Variants in FAM135B observed in about 807,000 individuals in gnomAD.
The protein encoded by FAM135B is protein FAM135B.
In FAM135B, 43 loss-of-function variants were observed where a neutral mutation model predicts 127.7. The ratio of observed to expected loss-of-function variants is 0.34; its 90% CI spans 0.26 to 0.43. The LOEUF (loss-of-function observed/expected upper bound fraction) is 0.43, where lower values mean the gene tolerates loss of function less well. Among genes scored for constraint, FAM135B ranks in the 20% least tolerant of loss-of-function variants. The probability of loss-of-function intolerance (pLI) is 1.00; values close to 1 mark genes in which losing one functional copy is unlikely to be tolerated. For synonymous variants in FAM135B, 670 were observed against 665.1 expected (o/e 1.01, Z -0.11); for missense variants, 1,558 against 1,725.6 (o/e 0.90, Z 1.72).
At chr8:138,444,234 C>A (rs1180899910) in intron 1 of FAM135B, among the ~76,000 whole-genome samples, 1 of 152,154 alleles carries the variant, frequency 6.6e-6, no homozygotes, top group Non-Finnish European at 1.5e-5. Flanking sequence ...CAACATTAGA[C>A]AGGTCAACGA....
chr8:138,286,538 G>A (rs914180863), intron 3 of FAM135B, among the ~76,000 whole-genome samples: 1 of 152,172 alleles, frequency 6.6e-6, no homozygotes, highest in Non-Finnish European at 1.5e-5. Context: ...GAGGCACAGG[G>A]ATATTTCACT....
intron 9 of FAM135B, among the ~76,000 whole-genome samples, chr8:138,185,769 C>T (rs888906275): frequency 6.6e-6 from 1 of 152,220 alleles, no homozygotes; most frequent in African/African-American, 2.4e-5. Context: ...TAAACAACAA[C>T]AGCAACATTG....
At chr8:138,217,227 A>T (rs1191894853) in intron 7 of FAM135B, among the ~76,000 whole-genome samples, 1 of 152,166 alleles carries the variant, frequency 6.6e-6, no homozygotes, top group East Asian at 1.9e-4. Context: ...ACTAAATGAA[A>T]TAATGTGCTT....
intron 2 of FAM135B, among the ~76,000 whole-genome samples, chr8:138,354,949 G>A (rs1829998755): frequency 6.6e-6 from 1 of 152,038 alleles, no homozygotes; most frequent in African/African-American, 2.4e-5. Context: ...CCATGTTGGT[G>A]TGCTGCACCC....
chr8:138,286,218 A>G (rs1437577302), intron 3 of FAM135B, among the ~76,000 whole-genome samples: 1 of 152,242 alleles, frequency 6.6e-6, no homozygotes, highest in Non-Finnish European at 1.5e-5. Flanking sequence ...GTGGCTGGAT[A>G]GATACGAGAA....
chr8:138,305,512 T>TG (rs1826178071), intron 3 of FAM135B, among the ~76,000 whole-genome samples: 2 of 634 alleles, frequency 3.2e-3, no homozygotes, highest in African/African-American at 5.6e-3. Context: ...ACATACCAAT[T>TG]ATTTGTAACC....
At chr8:138,387,466 T>G (rs1251477026) in intron 1 of FAM135B, among the ~76,000 whole-genome samples, 2 of 152,120 alleles carry the variant, frequency 1.3e-5, no homozygotes. Context: ...CCTTCCTCTC[T>G]TTTCTCCTTT....
intron 2 of FAM135B, among the ~76,000 whole-genome samples, chr8:138,350,689 A>G (rs1333025176): frequency 2.0e-5 from 3 of 152,164 alleles, no homozygotes; most frequent in African/African-American, 7.2e-5. Flanking sequence ...TTCTGAGAGG[A>G]TTCTTCCACC....
At chr8:138,194,576 T>G (rs1252847053) in intron 9 of FAM135B, among the ~76,000 whole-genome samples, 4 of 152,330 alleles carry the variant, frequency 2.6e-5, no homozygotes, top group African/African-American at 9.6e-5. Context: ...GAAACACTGG[T>G]TTAACAGACA....
intron 3 of FAM135B, among the ~76,000 whole-genome samples, chr8:138,307,692 C>G (rs567202658): frequency 6.7e-6 from 1 of 149,980 alleles, no homozygotes; most frequent in East Asian, 2.0e-4. Context: ...CAAATCCTCT[C>G]TGAAACCCTA....
At chr8:138,358,957 C>G (rs766602677) in intron 2 of FAM135B, among the ~76,000 whole-genome samples, 6 of 152,028 alleles carry the variant, frequency 3.9e-5, no homozygotes, top group Non-Finnish European at 7.4e-5. Context: ...CTGAGCCTGT[C>G]CTCAGCCAGG....
chr8:138,492,973 C>T (rs537505634), intron 1 of FAM135B, among the ~76,000 whole-genome samples: 4 of 152,238 alleles, frequency 2.6e-5, no homozygotes, highest in Admixed American at 6.5e-5. Flanking sequence ...TGATGAGTGA[C>T]GCAGGGCAGG....
At chr8:138,234,207 T>C (rs575246359) in intron 7 of FAM135B, among the ~76,000 whole-genome samples, 2 of 152,316 alleles carry the variant, frequency 1.3e-5, no homozygotes, top group East Asian at 3.9e-4. Flanking sequence ...TTGACAACAG[T>C]ATAAAAGATA....
chr8:138,256,007 G>C (rs1190392642), intron 5 of FAM135B, among the ~76,000 whole-genome samples: 3 of 152,174 alleles, frequency 2.0e-5, no homozygotes, highest in Non-Finnish European at 2.9e-5. Context: ...AGGTGAGGTA[G>C]AGAAAGGAGG....
At chr8:138,475,538 C>T (rs532777333) in intron 1 of FAM135B, among the ~76,000 whole-genome samples, 12 of 152,260 alleles carry the variant, frequency 7.9e-5, no homozygotes, top group African/African-American at 1.9e-4. Context: ...CAACCCAAAA[C>T]CTCAGAGTCA....
At chr8:138,342,114 A>G (rs898469390) in intron 2 of FAM135B, among the ~76,000 whole-genome samples, 3 of 152,166 alleles carry the variant, frequency 2.0e-5, no homozygotes, top group African/African-American at 7.2e-5. Flanking sequence ...CTCTTCACCC[A>G]TTTTATCCCC....
At chr8:138,371,389 AACAC>A (rs1009901431) in intron 1 of FAM135B, among the ~76,000 whole-genome samples, 2 of 152,114 alleles carry the variant, frequency 1.3e-5, no homozygotes, top group Non-Finnish European at 2.9e-5. Flanking sequence ...GCATTGATAA[AACAC>A]ACACACACAA....
rs1405563937 is a variant in FAM135B at position 138,197,115 on chromosome 8, GTGTATA to G, written c.823+395_823+400del. On this transcript the variant is annotated intron_variant, in intron 8 of 19. Coordinates refer to ENST00000395297, the MANE Select transcript of FAM135B (RefSeq NM_015912.4). The stretch of plus-strand genomic sequence containing the variant: ...TGTGTGTGTGTGTGTGTGTGTGTGT[GTGTATA>G]TATATAGTTTTTATGAGGATTGTTT... Among the ~76,000 whole-genome samples the G allele has an allele frequency of 0.017, 549 of 32,770 alleles. 6 individuals are homozygous for G. The South Asian group carries it at 0.21, about 12-fold the overall frequency. 21.5% of individuals were successfully genotyped at this position (32,770 alleles called of 152,430 possible). A position where few individuals can be genotyped will look rare whatever the true frequency, so the allele number is the denominator to read the frequency against.
chr8:138,440,190 G>A (rs780204144), intron 1 of FAM135B: 2 of 152,154 alleles, frequency 1.3e-5, no homozygotes, highest in Non-Finnish European at 2.9e-5. Context: ...AGTTCCAGGT[G>A]AGAGGTAGCT....
Sources: allele counts gnomAD v4.1 joint callset (sites outside exome capture counted in the v4.1 genomes callset), GRCh38; gene constraint gnomAD v4.1.1; transcripts MANE v1.5; gene names NCBI Gene and HGNC (gene_info 2026-07-23, HGNC 2026-07-21).